ASPRV1: variants seen among roughly 807,000 people sequenced by gnomAD.
The protein encoded by ASPRV1 is retroviral-like aspartic protease 1.
In ASPRV1, 7 loss-of-function variants were observed where a neutral mutation model predicts 11.0. That is an observed-to-expected ratio of 0.64 (90% confidence interval 0.36 to 1.20). The LOEUF is 1.20. Ranked by LOEUF, ASPRV1 falls within the 50% of genes most tolerant of loss-of-function variation. The pLI is 0.02. For synonymous variants in ASPRV1, 136 were observed against 138.4 expected, an observed-to-expected ratio of 0.98 and a Z score of 0.12; for missense variants, 299 against 320.0, an observed-to-expected ratio of 0.93 and a Z score of 0.50.
the ASPRV1 span, chr2:69,937,959 C>T: frequency 8.1e-6 from 6 of 744,932 alleles, no homozygotes; most frequent in African/African-American, 3.6e-5. Context: ...GTTGGCCCAG[C>T]TGGTCTCAAA....
chr2:69,972,553 T>G, the ASPRV1 span, among the ~76,000 whole-genome samples: 1 of 152,190 alleles, frequency 6.6e-6, no homozygotes, highest in African/African-American at 2.4e-5. Flanking sequence ...AGACGGGGTT[T>G]CACCACGTTC....
At chr2:70,042,053 C>T in the ASPRV1 span, among the ~76,000 whole-genome samples, 12 of 152,090 alleles carry the variant, frequency 7.9e-5, no homozygotes, top group Non-Finnish European at 1.3e-4. Flanking sequence ...AAACTGTATT[C>T]CACCAAACAC....
the ASPRV1 span, among the ~76,000 whole-genome samples, chr2:70,021,679 T>A: frequency 1.7e-4 from 26 of 151,372 alleles, no homozygotes; most frequent in Non-Finnish European, 3.1e-4. Flanking sequence ...CAATACGGTA[T>A]TGTGCACTTT....
the ASPRV1 span, among the ~76,000 whole-genome samples, chr2:70,005,652 G>A: frequency 6.6e-6 from 1 of 151,362 alleles, no homozygotes; most frequent in African/African-American, 2.4e-5. Context: ...ATTTTTCTTT[G>A]AGAATAGCTG....
chr2:69,945,313 T>G, the ASPRV1 span, among the ~76,000 whole-genome samples: 1 of 152,332 alleles, frequency 6.6e-6, no homozygotes, highest in African/African-American at 2.4e-5. Flanking sequence ...AAAGTTGGAA[T>G]TATTTTAAAA....
At chr2:70,074,294 CTT>C in the ASPRV1 span, among the ~76,000 whole-genome samples, 2 of 143,506 alleles carry the variant, frequency 1.4e-5, no homozygotes, top group Admixed American at 7.0e-5. Flanking sequence ...AGAGCAACTG[CTT>C]TTTTTTTTTG....
downstream of ASPRV1, among the ~76,000 whole-genome samples, chr2:69,959,175 C>G (rs983035063): frequency 3.4e-4 from 52 of 152,304 alleles, no homozygotes; most frequent in African/African-American, 1.2e-3. Context: ...CTTCAAGAGG[C>G]TCATTCCACC....
At chr2:70,087,120 TTTCCGCCGGGGCTGCCCATGTCG>T in the ASPRV1 span, 3 of 151,900 alleles carry the variant, frequency 2.0e-5, no homozygotes, top group Non-Finnish European at 4.4e-5. Flanking sequence ...GTGCCTGCAG[TTTCCGCCGGGGCTGCCCATGTCG>T]TTCCGCGCAC....
the ASPRV1 span, among the ~76,000 whole-genome samples, chr2:70,063,326 TC>T: frequency 6.6e-6 from 1 of 152,108 alleles, no homozygotes; most frequent in African/African-American, 2.4e-5. Flanking sequence ...TTCACACACA[TC>T]CAGCCAGTCT....
chr2:70,062,042 C>T, the ASPRV1 span, among the ~76,000 whole-genome samples: 2 of 151,626 alleles, frequency 1.3e-5, no homozygotes, highest in South Asian at 2.1e-4. Context: ...AATCCCAGCA[C>T]TGTGGGAGGC....
the ASPRV1 span, chr2:69,938,571 T>TA: frequency 3.1e-6 from 1 of 321,040 alleles, no homozygotes; most frequent in Non-Finnish European, 5.8e-6. Context: ...TGTCCACATC[T>TA]CAGCAATCCC....
chr2:70,009,869 T>C, the ASPRV1 span, among the ~76,000 whole-genome samples: 1 of 152,156 alleles, frequency 6.6e-6, no homozygotes, highest in Non-Finnish European at 1.5e-5. Context: ...GGACTGGTAT[T>C]TGTAATTTAG....
the ASPRV1 span, among the ~76,000 whole-genome samples, chr2:70,065,292 G>A: frequency 2.0e-5 from 3 of 148,752 alleles, no homozygotes; most frequent in South Asian, 2.1e-4. Context: ...TCAGGAGGCT[G>A]AGGCAGAAGA....
the ASPRV1 span, chr2:70,053,921 T>A: frequency 6.6e-6 from 1 of 152,268 alleles, no homozygotes; most frequent in Admixed American, 6.5e-5. Context: ...GCCAAATGTG[T>A]ATTTATTGAA....
Position 69,960,837 on chromosome 2 carries a change from AATG to A in ASPRV1, c.597_599del (p.Ile200del), listed in dbSNP as rs1192850025. On this transcript the variant is annotated inframe_deletion, in exon 1 of 1. Transcript: ENST00000320256. Reference sequence around the variant, plus strand: ...TGTGGTCCTGGAGCACATCAGTGCCAATGATGGCTTCCTCGGCACTCGCATTGG... The same window carrying A: ...TGTGGTCCTGGAGCACATCAGTGCCAATGGCTTCCTCGGCACTCGCATTGG... The A allele has an allele frequency of 1.9e-6, 3 of 1,614,148 alleles. No individual in the cohort carries two copies. The South Asian group carries it at 3.3e-5, about 18-fold the overall frequency.
the ASPRV1 span, among the ~76,000 whole-genome samples, chr2:70,038,224 G>T: frequency 3.3e-5 from 5 of 152,214 alleles, no homozygotes; most frequent in Non-Finnish European, 7.3e-5. Flanking sequence ...ACATCAGAGG[G>T]TCTACATATT....
the ASPRV1 span, chr2:69,940,074 C>G: frequency 8.8e-6 from 1 of 113,898 alleles, no homozygotes; most frequent in African/African-American, 3.5e-5. Flanking sequence ...ACCTGTAATT[C>G]TTCTGTTTTT....
At chr2:70,055,148 C>T in the ASPRV1 span, among the ~76,000 whole-genome samples, 1 of 151,904 alleles carries the variant, frequency 6.6e-6, no homozygotes, top group Admixed American at 6.6e-5. Flanking sequence ...ATTAAAAATA[C>T]AAAAATTAGC....
At chr2:70,072,010 G>A in the ASPRV1 span, among the ~76,000 whole-genome samples, 1 of 151,738 alleles carries the variant, frequency 6.6e-6, no homozygotes, top group Non-Finnish European at 1.5e-5. Flanking sequence ...GGAGTGCAGT[G>A]GCACGATCTC....
Sources: gnomAD v4.1 joint callset for allele counts (sites outside exome capture counted in the v4.1 genomes callset) on GRCh38, gnomAD v4.1.1 for gene constraint, MANE v1.5 for transcripts, NCBI Gene and HGNC (gene_info 2026-07-23, HGNC 2026-07-21) for gene names.